The following ANGPTL7 variants were observed in gnomAD, a reference collection of about 807,000 sequenced individuals.
The protein encoded by ANGPTL7 is angiopoietin-related protein 7.
In ANGPTL7, 37 loss-of-function variants were observed where a neutral mutation model predicts 38.8. The ratio of observed to expected loss-of-function variants is 0.95; its 90% confidence interval spans 0.73 to 1.25. The LOEUF is 1.25. Among genes scored for constraint, ANGPTL7 ranks in the 50% most tolerant of loss-of-function variants. The pLI, the probability that ANGPTL7 is intolerant of heterozygous loss-of-function variation, is 0.00. For synonymous variants in ANGPTL7, 166 were observed against 163.2 expected, an observed-to-expected ratio of 1.02 and a Z score of -0.13; for missense variants, 427 against 438.6, an observed-to-expected ratio of 0.97 and a Z score of 0.24.
chr1:11,192,481 C>T lies in ANGPTL7; in HGVS notation c.477+111C>T, dbSNP rs531086786. ...TTAAAGAAAGGAAAATTCGGCTGGG[C>T]GCAGTGGCTCACACCTGTAATCCCA... On this transcript the variant is annotated intron_variant, in intron 2 of 4. Transcript: ENST00000376819. The T allele has an allele frequency of 2.8e-4, 248 of 882,704 alleles. 4 individuals are homozygous for T. In the South Asian group the frequency reaches 3.1e-3, roughly 11 times the overall value. The allele number at this position is 882,704 out of a possible 1,614,324, so 54.7% of individuals were successfully genotyped here. A position where few individuals can be genotyped will look rare whatever the true frequency, so the allele number is the denominator to read the frequency against.
In ANGPTL7 at chr1:11,191,882, T is replaced by C. The variant is rs561406765; in HGVS notation, c.377-388T>C. On this transcript the variant is annotated intron_variant, in intron 1 of 4. Transcript: ENST00000376819. ...ACTCTATGAGATATTCACGACTGAT[T>C]TGTTATAGTGGCGGCTGTCTAAGAA... Among the ~76,000 whole-genome samples, 10 of 152,312 alleles carry C rather than the reference T, an allele frequency of 6.6e-5. No homozygotes were observed. In the South Asian group the frequency reaches 8.3e-4, roughly 13 times the overall value.
rs1451666643 is a variant in ANGPTL7 at position 11,195,368 on chromosome 1, T to C, written c.*345T>C. On this transcript the variant is annotated 3_prime_UTR_variant, in exon 5 of 5. Transcript: ENST00000376819. ...AATTTTGAGATCGTTTTATCTATTT[T>C]CTCTACGGCTTAGGCTATGTGAGGG... 4 of 211,026 alleles carry C rather than the reference T, an allele frequency of 1.9e-5. No individual in the cohort carries two copies. The highest frequency in any genetic ancestry group is 3.8e-5 in the Non-Finnish European group (4 of 104,792). The allele number at this position is 211,026 out of a possible 1,614,324, so 13.1% of individuals were successfully genotyped here.
At chr1:11,193,939 C>G (rs537471147) in intron 3 of ANGPTL7, among the ~76,000 whole-genome samples, 165 bp downstream of exon 3, 22 of 62,962 alleles carry the variant, frequency 3.5e-4, no homozygotes, top group African/African-American at 2.1e-3. Flanking sequence ...AGGTATTTTT[C>G]CTTTCTGCAA....
intron 2 of ANGPTL7, 83 bp from the exon 3 acceptor site, chr1:11,193,497 C>T (rs1230093113): frequency 7.8e-7 from 1 of 1,287,778 alleles, no homozygotes; most frequent in East Asian, 2.4e-5. Context: ...TCTGCAGGGA[C>T]AGGAACAGGT....
In ANGPTL7 at chr1:11,189,609, C is replaced by T. The variant is rs980343268; in HGVS notation, c.30C>T (p.Thr10=). 6.2e-7 allele frequency: 1 copy of T among 1,613,224 alleles called. No individual in the cohort carries two copies. The highest frequency in any genetic ancestry group is 1.3e-5 in the African/African-American group (1 of 75,000). The change falls in exon 1 of 5, where the codon ACC becomes ACT. Residue 10 remains threonine (T), a synonymous_variant. Transcript: ENST00000376819. ...TGAAAAAGCCTCTCTCAGCTGTGAC[C>T]TGGCTCTGCATTTTCATCGTGGCCT... MLKKPLSAV[T]WLCIFIVAFV...
Position 11,193,786 on chromosome 1 carries a change from G to GC in ANGPTL7, c.672+14dup. On this transcript the variant is annotated intron_variant, in intron 3 of 4. Coordinates refer to ENST00000376819, the MANE Select transcript of ANGPTL7 (RefSeq NM_021146.4). ...GTGTAGAGATGGAGGTAAGCACAAGGCCAGGGGCCCCATGACTGGACCAGT... is the reference window on the plus strand; with the variant it reads ...GTGTAGAGATGGAGGTAAGCACAAGGCCCAGGGGCCCCATGACTGGACCAGT... 1 of 1,613,676 alleles carries GC rather than the reference G, an allele frequency of 6.2e-7. No individual in the cohort carries two copies. The highest frequency in any genetic ancestry group is 2.2e-5 in the East Asian group (1 of 44,846).
chr1:11,190,230 G>A (rs2100703072), intron 1 of ANGPTL7, among the ~76,000 whole-genome samples: 1 of 152,334 alleles, frequency 6.6e-6, no homozygotes, highest in African/African-American at 2.4e-5. Flanking sequence ...GCAAGTCTTA[G>A]AAGCAGGGTT....
intron 3 of ANGPTL7, 71 bp downstream of exon 3, chr1:11,193,845 T>C (rs977759567): frequency 1.2e-4 from 179 of 1,458,824 alleles, no homozygotes; most frequent in Non-Finnish European, 1.6e-4. Flanking sequence ...ACTCCGGGGG[T>C]GCCATTCCTA....
At position 11,194,966 on chromosome 1, in the gene ANGPTL7, T is replaced by C. The variant is rs1645726797; in HGVS notation, c.984T>C (p.Ser328=). 3 of 1,613,994 alleles carry C rather than the reference T, an allele frequency of 1.9e-6. No individual in the cohort carries two copies. The highest frequency in any genetic ancestry group is 1.7e-6 in the Non-Finnish European group (2 of 1,180,036). Residue 328 remains serine, a synonymous_variant, in exon 5 of 5, where the codon TCT becomes TCC. Transcript: ENST00000376819. The part of the protein sequence containing the change: ...DGITWYGWHG[S]TYSLKRVEMK... ...TCACCTGGTATGGCTGGCATGGATC[T>C]ACCTACTCCCTCAAACGGGTGGAGA...
rs28991013 is a variant in ANGPTL7 at position 11,195,116 on chromosome 1, T to G, written c.*93T>G. 3.0e-6 allele frequency: 4 copies of G among 1,344,332 alleles called. No homozygotes were observed. Among genetic ancestry groups the G allele is most frequent in the East Asian group, 4.9e-5 (2 of 40,578 alleles). 83.3% of individuals were successfully genotyped at this position (1,344,332 alleles called of 1,614,324 possible). On this transcript the variant is annotated 3_prime_UTR_variant, in exon 5 of 5. Transcript: ENST00000376819. ...GACAGGAAGAGAGTGTTAGAAAGGG[T>G]AGGACTGAGAAACAGCCTATAATCT...
At chr1:11,193,424 AGT>A (rs1450764333) in intron 2 of ANGPTL7, among the ~76,000 whole-genome samples, 154 bp from the exon 3 acceptor site, 5 of 152,152 alleles carry the variant, frequency 3.3e-5, no homozygotes, top group South Asian at 4.1e-4. Context: ...GCTCACCAGC[AGT>A]GGGGCAGCAT....
At position 11,192,383 on chromosome 1, in the gene ANGPTL7, C is replaced by T; in HGVS notation, c.477+13C>T. 6 of 1,584,678 alleles carry T rather than the reference C, an allele frequency of 3.8e-6. No homozygotes were observed. Among genetic ancestry groups the T allele is most frequent in the Non-Finnish European group, 5.2e-6 (6 of 1,153,652 alleles). Reference sequence around the variant, plus strand: ...CCCTGAACTGGAGGTGAGGTCATTACAGTCACTGGCCATGCCCTAATACCT... The same window carrying T: ...CCCTGAACTGGAGGTGAGGTCATTATAGTCACTGGCCATGCCCTAATACCT... On this transcript the variant is annotated intron_variant, in intron 2 of 4. Transcript: ENST00000376819.
In ANGPTL7 at chr1:11,195,154, T is replaced by C. The variant is rs1645737359; in HGVS notation, c.*131T>C. ...CAGCCTATAATCTCCAAAGAAAGAA[T>C]AAGTCTCCAAGGAGCACAAAAAAAT... On this transcript the variant is annotated 3_prime_UTR_variant, in exon 5 of 5. Coordinates refer to ENST00000376819, the MANE Select transcript of ANGPTL7 (RefSeq NM_021146.4). The C allele has an allele frequency of 9.6e-7, 1 of 1,045,604 alleles. No homozygotes were observed. The highest frequency in any genetic ancestry group is 2.9e-5 in the Admixed American group (1 of 34,958). The allele number at this position is 1,045,604 out of a possible 1,614,324, so 64.8% of individuals were successfully genotyped here. A position where few individuals can be genotyped will look rare whatever the true frequency, so the allele number is the denominator to read the frequency against.
At chr1:11,190,966 CA>C (rs1557823941) in intron 1 of ANGPTL7, among the ~76,000 whole-genome samples, 4 of 152,198 alleles carry the variant, frequency 2.6e-5, no homozygotes, top group Non-Finnish European at 4.4e-5. Context: ...ATGTATCAAT[CA>C]CTTTCTAAGC....
Position 11,195,197 on chromosome 1 carries a change from T to G in ANGPTL7, c.*174T>G. On this transcript the variant is annotated 3_prime_UTR_variant, in exon 5 of 5. Coordinates refer to ENST00000376819, the MANE Select transcript of ANGPTL7 (RefSeq NM_021146.4). ...AAAAAAATCATATGTACCAAGGATG[T>G]TACAGTAAACAGGATGAACTATTTA... is the stretch of plus-strand genomic sequence containing the variant. 1 of 723,826 alleles carries G rather than the reference T, an allele frequency of 1.4e-6. No homozygotes were observed. The highest frequency in any genetic ancestry group is 2.2e-6 in the Non-Finnish European group (1 of 449,570). The allele number at this position is 723,826 out of a possible 1,614,324, so 44.8% of individuals were successfully genotyped here. A position where few individuals can be genotyped will look rare whatever the true frequency, so the allele number is the denominator to read the frequency against.
rs1645742552 is a variant in ANGPTL7, at chr1:11,195,278, C to T, written c.*255C>T. 2 of 406,648 alleles carry T rather than the reference C, an allele frequency of 4.9e-6. No individual in the cohort carries two copies. The highest frequency in any genetic ancestry group is 8.7e-6 in the Non-Finnish European group (2 of 228,616). 25.2% of individuals were successfully genotyped at this position (406,648 alleles called of 1,614,324 possible). A position where few individuals can be genotyped will look rare whatever the true frequency, so the allele number is the denominator to read the frequency against. ...AGGTGGTAGACTGAGTGGGGTCTCT[C>T]TGCCCAAGATCCCTGACATAGCAGT... On this transcript the variant is annotated 3_prime_UTR_variant, in exon 5 of 5. Transcript: ENST00000376819.
chr1:11,189,848 G>A lies in ANGPTL7; in HGVS notation c.269G>A (p.Arg90His), dbSNP rs753003549. 1.4e-5 allele frequency: 22 copies of A among 1,614,076 alleles called. No homozygotes were observed. The East Asian group carries it at 2.2e-4, about 16-fold the overall frequency. ...QVMELESNSKRMESRLTDAES... is the reference protein window; with the variant it reads ...QVMELESNSKHMESRLTDAES... Reference sequence around the variant, plus strand: ...ATGGAGCTGGAGAGCAACAGCAAGCGCATGGAGTCGCGGCTCACAGATGCT... The same window carrying A: ...ATGGAGCTGGAGAGCAACAGCAAGCACATGGAGTCGCGGCTCACAGATGCT... The change falls in exon 1 of 5, where the codon CGC becomes CAC. Residue 90 changes from arginine to histidine, a missense_variant. Coordinates refer to ENST00000376819, the MANE Select transcript of ANGPTL7 (RefSeq NM_021146.4).
Position 11,195,595 on chromosome 1 carries a change from CG to C in ANGPTL7, c.*576del, listed in dbSNP as rs1219394341. 1 of 154,182 alleles carries C rather than the reference CG, an allele frequency of 6.5e-6. No individual in the cohort carries two copies. The highest frequency in any genetic ancestry group is 1.9e-4 in the East Asian group (1 of 5,198). 9.6% of individuals were successfully genotyped at this position (154,182 alleles called of 1,614,324 possible). A position where few individuals can be genotyped will look rare whatever the true frequency, so the allele number is the denominator to read the frequency against. ...CTGGAACTGACCCAGGCTGGACTTG[CG>C]GGGAGGAAACTCCAGGGCACTGCAT... is the stretch of plus-strand genomic sequence containing the variant. On this transcript the variant is annotated 3_prime_UTR_variant, in exon 5 of 5. Transcript: ENST00000376819.
intron 3 of ANGPTL7, among the ~76,000 whole-genome samples, 177 bp downstream of exon 3, chr1:11,193,951 C>T (rs1369415383): frequency 8.4e-4 from 4 of 4,734 alleles, no homozygotes; most frequent in South Asian, 9.1e-3. Context: ...TTTCTGCAAC[C>T]CCCCCAACCC....
Sources: gnomAD v4.1 joint callset for allele counts (sites outside exome capture counted in the v4.1 genomes callset) on GRCh38, gnomAD v4.1.1 for gene constraint, MANE v1.5 for transcripts, NCBI Gene and HGNC (gene_info 2026-07-23, HGNC 2026-07-21) for gene names.